The following VDR variants were observed in gnomAD, a reference collection of about 807,000 sequenced individuals.
The protein encoded by VDR is vitamin D3 receptor.
VDR carries 19 observed loss-of-function variants against 39.7 expected under a neutral mutation model. The ratio of observed to expected loss-of-function variants is 0.48; its 90% CI spans 0.33 to 0.70. The LOEUF (loss-of-function observed/expected upper bound fraction) is 0.70. Ranked by LOEUF, VDR falls within the 30% of genes least tolerant of loss-of-function variation. VDR has a pLI of 0.02. For synonymous variants in VDR, 242 were observed against 215.8 expected, an observed-to-expected ratio of 1.12 and a Z score of -1.07; for missense variants, 442 against 570.5, an observed-to-expected ratio of 0.77 and a Z score of 2.29.
rs545075042 is a variant in VDR, at chr12:47,903,094, T to C, written c.-84+1861A>G. 2.0e-5 allele frequency among the ~76,000 whole-genome samples: 3 copies of C among 152,380 alleles called. No individual in the cohort carries two copies. In the East Asian group the frequency reaches 5.8e-4, roughly 29 times the overall value. ...TTTATACAAACAAAGTCTGATGGCC[T>C]CTGCCGAAGAGGAGTAAAGGGTTGG... On this transcript the variant is annotated intron_variant, in intron 1 of 9. Coordinates refer to ENST00000549336, the MANE Select transcript of VDR (RefSeq NM_000376.3).
At chr12:47,901,988 G>T (rs1391453855) in intron 1 of VDR, among the ~76,000 whole-genome samples, 2 of 152,328 alleles carry the variant, frequency 1.3e-5, no homozygotes, top group Non-Finnish European at 2.9e-5. Flanking sequence ...CAGGGAGCAG[G>T]CTAGGGTGTC....
chr12:47,864,391 T>G (rs11574069), intron 4 of VDR, among the ~76,000 whole-genome samples: 100 of 152,360 alleles, frequency 6.6e-4, no homozygotes, highest in African/African-American at 2.3e-3. Context: ...CAGGAAGTCC[T>G]ATAGAATCAC....
chr12:47,847,588 C>G (rs1228370395), intron 7 of VDR, among the ~76,000 whole-genome samples: 1 of 150,436 alleles, frequency 6.6e-6, no homozygotes, highest in African/African-American at 2.4e-5. Context: ...TTTTTTTTTT[C>G]TTGTGACAGG....
At chr12:47,853,391 C>T (rs1439703186) in intron 7 of VDR, among the ~76,000 whole-genome samples, 7 of 147,052 alleles carry the variant, frequency 4.8e-5, no homozygotes, top group Admixed American at 2.8e-4. Context: ...TGCAGTGAGC[C>T]GAGATCATGC....
Position 47,843,413 on chromosome 12 carries a change from G to C in VDR, c.*1333C>G, listed in dbSNP as rs1452428908. On this transcript the variant is annotated 3_prime_UTR_variant, in exon 10 of 10. Coordinates refer to ENST00000549336, the MANE Select transcript of VDR (RefSeq NM_000376.3). ...GCCTCTGTGATCCACCTCGAAGAAC[G>C]CCTTTCTGTACCGGTCCCGCACACC... The C allele has an allele frequency of 6.6e-6, 1 of 152,302 alleles. No individual in the cohort carries two copies. The highest frequency in any genetic ancestry group is 6.6e-5 in the Admixed American group (1 of 15,260). 9.4% of individuals were successfully genotyped at this position (152,302 alleles called of 1,614,324 possible).
intron 4 of VDR, among the ~76,000 whole-genome samples, chr12:47,861,824 C>T (rs948617554): frequency 1.3e-4 from 20 of 152,178 alleles, no homozygotes; most frequent in African/African-American, 3.9e-4. Flanking sequence ...CTCTCCTTAA[C>T]GAAGCCAAGA....
At position 47,844,731 on chromosome 12, in the gene VDR, C is replaced by T. The variant is rs760185476; in HGVS notation, c.*15G>A. 6.2e-7 allele frequency: 1 copy of T among 1,613,864 alleles called. No individual in the cohort carries two copies. Among genetic ancestry groups the T allele is most frequent in the South Asian group, 1.1e-5 (1 of 91,080 alleles). On this transcript the variant is annotated 3_prime_UTR_variant, in exon 10 of 10. Coordinates refer to ENST00000549336, the MANE Select transcript of VDR (RefSeq NM_000376.3). ...AGGAGCAGCCCCACCCAGGCACCGCCACAGGCTGTCCTAGTCAGGAGATCT... is the reference window on the plus strand; with the variant it reads ...AGGAGCAGCCCCACCCAGGCACCGCTACAGGCTGTCCTAGTCAGGAGATCT...
chr12:47,877,082 G>A (rs760300391), intron 3 of VDR, among the ~76,000 whole-genome samples: 3 of 152,160 alleles, frequency 2.0e-5, no homozygotes, highest in Non-Finnish European at 2.9e-5. Flanking sequence ...GTCTGGTGAC[G>A]GAATGAGTGA....
At chr12:47,899,426 T>A (rs2137250804) in intron 1 of VDR, among the ~76,000 whole-genome samples, 1 of 152,354 alleles carries the variant, frequency 6.6e-6, no homozygotes, top group South Asian at 2.1e-4. Context: ...AGGGAGCTAT[T>A]ACTATACCCA....
At chr12:47,864,676 C>T (rs778196457) in intron 4 of VDR, among the ~76,000 whole-genome samples, 11 of 152,296 alleles carry the variant, frequency 7.2e-5, no homozygotes, top group Non-Finnish European at 1.2e-4. Flanking sequence ...CCTCTAGGTC[C>T]GAGTAACAGG....
At chr12:47,866,018 C>G (rs914694067) in intron 3 of VDR, among the ~76,000 whole-genome samples, 1 of 150,386 alleles carries the variant, frequency 6.6e-6, no homozygotes, top group South Asian at 2.1e-4. Context: ...CACAGCCACG[C>G]CCCGACTCTT....
At chr12:47,882,881 A>G in intron 1 of VDR, 107 bp from the exon 2 acceptor site, 2 of 833,756 alleles carry the variant, frequency 2.4e-6, no homozygotes, top group Non-Finnish European at 3.7e-6. Flanking sequence ...TTTAGTCCCC[A>G]GATCAGTGAC....
intron 9 of VDR, among the ~76,000 whole-genome samples, chr12:47,845,982 G>T (rs955032499): frequency 6.6e-6 from 1 of 152,206 alleles, no homozygotes; most frequent in Non-Finnish European, 1.5e-5. Flanking sequence ...TACCCTGCCC[G>T]CAAGAAACCT....
intron 7 of VDR, among the ~76,000 whole-genome samples, chr12:47,852,848 C>T (rs1945412822): frequency 6.6e-6 from 1 of 152,170 alleles, no homozygotes; most frequent in Non-Finnish European, 1.5e-5. Flanking sequence ...TATGGCACCT[C>T]ATAATCTGTT....
In VDR at chr12:47,844,139, C is replaced by A. The variant is rs1945224377; in HGVS notation, c.*607G>T. 1 of 161,168 alleles carries A rather than the reference C, an allele frequency of 6.2e-6. No individual in the cohort carries two copies. The highest frequency in any genetic ancestry group is 2.4e-5 in the African/African-American group (1 of 41,554). The allele number at this position is 161,168 out of a possible 1,614,324, so 10.0% of individuals were successfully genotyped here. A position where few individuals can be genotyped will look rare whatever the true frequency, so the allele number is the denominator to read the frequency against. ...GAGGCTGTTTTTGTCTGTTTTTCCTCCTTGGGTCTCTCAGCAGGTGGGTTC... is the reference window on the plus strand; with the variant it reads ...GAGGCTGTTTTTGTCTGTTTTTCCTACTTGGGTCTCTCAGCAGGTGGGTTC... On this transcript the variant is annotated 3_prime_UTR_variant, in exon 10 of 10. Coordinates refer to ENST00000549336, the MANE Select transcript of VDR (RefSeq NM_000376.3).
intron 1 of VDR, among the ~76,000 whole-genome samples, chr12:47,892,517 G>T (rs1393315957): frequency 1.3e-5 from 2 of 152,240 alleles, no homozygotes; most frequent in African/African-American, 2.4e-5. Flanking sequence ...GAGGGCCAGG[G>T]ATAGGATGTG....
At chr12:47,867,049 T>C (rs1181940944) in intron 3 of VDR, among the ~76,000 whole-genome samples, 1 of 151,574 alleles carries the variant, frequency 6.6e-6, no homozygotes, top group African/African-American at 2.4e-5. Context: ...TGAAGTGTTC[T>C]TAGCTAGAAA....
chr12:47,871,338 C>CTTTCTTTCTTTCTTTCT (rs1565622778), intron 3 of VDR, among the ~76,000 whole-genome samples: 37 of 145,500 alleles, frequency 2.5e-4, no homozygotes, highest in African/African-American at 8.4e-4. Flanking sequence ...TTCTTTCTTT[C>CTTTCTTTCTTTCTTTCT]TTTCTTTCTT....
intron 1 of VDR, chr12:47,901,494 C>T (rs1381405531): frequency 6.4e-6 from 1 of 155,872 alleles, no homozygotes; most frequent in Non-Finnish European, 1.5e-5. Context: ...TGGGAACTGA[C>T]TCTGTCTCCT....
Sources: allele counts gnomAD v4.1 joint callset (sites outside exome capture counted in the v4.1 genomes callset), GRCh38; gene constraint gnomAD v4.1.1; transcripts MANE v1.5; gene names NCBI Gene and HGNC (gene_info 2026-07-23, HGNC 2026-07-21).